The following ANKS1B variants were observed in gnomAD, a reference collection of about 807,000 sequenced individuals.
ANKS1B encodes the protein ankyrin repeat and sterile alpha motif domain containing 1B.
Under a neutral mutation model 148.3 loss-of-function variants are expected in ANKS1B, and 36 were observed. That is an observed-to-expected ratio of 0.24 (90% CI 0.19 to 0.32). The LOEUF (loss-of-function observed/expected upper bound fraction) is 0.32, where lower values mean the gene tolerates loss of function less well. ANKS1B is among the 10% of genes least tolerant of loss of function. The pLI, the probability that ANKS1B is intolerant of heterozygous loss-of-function variation, is 1.00. For synonymous variants in ANKS1B, 542 were observed against 560.8 expected (o/e 0.97, Z 0.47); for missense variants, 1,157 against 1,542.6 (o/e 0.75, Z 4.19).
At chr12:98,870,988 T>C (rs2099664648) in intron 17 of ANKS1B, among the ~76,000 whole-genome samples, 1 of 152,224 alleles carries the variant, frequency 6.6e-6, no homozygotes, top group Admixed American at 6.5e-5. Flanking sequence ...CCATTTCATT[T>C]CTTCCTTTCT....
At chr12:99,811,572 TTACAAA>T (rs2068375277) in intron 3 of ANKS1B, among the ~76,000 whole-genome samples, 1 of 151,946 alleles carries the variant, frequency 6.6e-6, no homozygotes, top group Non-Finnish European at 1.5e-5. Flanking sequence ...TATTGTGTAC[TTACAAA>T]TACATTAACT....
intron 16 of ANKS1B, among the ~76,000 whole-genome samples, chr12:99,060,700 C>CACACACAT (rs1555202206): frequency 1.2e-4 from 6 of 51,040 alleles, no homozygotes; most frequent in Middle Eastern, 0.014. Flanking sequence ...CACACACACA[C>CACACACAT]ATATATATAG....
At chr12:99,019,725 T>A (rs2099944659) in intron 17 of ANKS1B, among the ~76,000 whole-genome samples, 1 of 152,172 alleles carries the variant, frequency 6.6e-6, no homozygotes, top group Non-Finnish European at 1.5e-5. Context: ...ATGCATTAAT[T>A]TTATATGAAT....
At chr12:99,732,328 A>G (rs2059241270) in intron 8 of ANKS1B, among the ~76,000 whole-genome samples, 1 of 152,226 alleles carries the variant, frequency 6.6e-6, no homozygotes, top group African/African-American at 2.4e-5. Context: ...ATAAAAACAC[A>G]AAGACTTACA....
intron 10 of ANKS1B, among the ~76,000 whole-genome samples, chr12:99,465,075 C>A (rs967891195): frequency 3.3e-5 from 5 of 152,212 alleles, no homozygotes; most frequent in African/African-American, 1.2e-4. Flanking sequence ...GGAAGCCCAT[C>A]AGACTAACAG....
intron 8 of ANKS1B, among the ~76,000 whole-genome samples, chr12:99,735,918 G>A (rs2059578872): frequency 6.6e-6 from 1 of 150,776 alleles, no homozygotes; most frequent in Admixed American, 6.6e-5. Flanking sequence ...CATACACCAT[G>A]ATCTAGTTGC....
chr12:98,895,635 C>T (rs1328242034), intron 17 of ANKS1B, among the ~76,000 whole-genome samples: 2 of 152,176 alleles, frequency 1.3e-5, no homozygotes, highest in East Asian at 3.9e-4. Flanking sequence ...CAGCTGTTCT[C>T]AGAGCGGGTA....
At chr12:99,305,121 G>A (rs1228986806) in intron 12 of ANKS1B, among the ~76,000 whole-genome samples, 1 of 151,752 alleles carries the variant, frequency 6.6e-6, no homozygotes, top group African/African-American at 2.4e-5. Context: ...GAGAGATGGG[G>A]GAGGTCCTAA....
In ANKS1B at chr12:99,019,705, C is replaced by T. The variant is rs138699052; in HGVS notation, c.2778+33452G>A. Reference sequence around the variant, plus strand: ...TTTCCCAAACCAAGCTGTTTCTTTACGGACTTTATATGCATTAATTTTATA... The same window carrying T: ...TTTCCCAAACCAAGCTGTTTCTTTATGGACTTTATATGCATTAATTTTATA... On this transcript the variant is annotated intron_variant, in intron 17 of 26. Coordinates refer to ENST00000683438, the MANE Select transcript of ANKS1B (RefSeq NM_001352186.2). Among the ~76,000 whole-genome samples the T allele has an allele frequency of 2.5e-3, 384 of 152,224 alleles. 2 individuals carry two copies. The highest frequency in any genetic ancestry group is 8.7e-3 in the African/African-American group (361 of 41,556).
intron 12 of ANKS1B, among the ~76,000 whole-genome samples, chr12:99,383,864 A>AG (rs1223786882): frequency 2.9e-5 from 4 of 139,570 alleles, no homozygotes; most frequent in African/African-American, 8.4e-5. Flanking sequence ...AAAAAAAAAA[A>AG]AAAGAAAAGA....
At chr12:98,955,763 C>T (rs558786842) in intron 17 of ANKS1B, among the ~76,000 whole-genome samples, 5 of 152,046 alleles carry the variant, frequency 3.3e-5, no homozygotes, top group East Asian at 1.9e-4. Flanking sequence ...GGGAAGGCTG[C>T]GGTGGAGAAG....
chr12:98,969,932 T>C (rs1207919485), intron 17 of ANKS1B, among the ~76,000 whole-genome samples: 1 of 152,184 alleles, frequency 6.6e-6, no homozygotes, highest in African/African-American at 2.4e-5. Flanking sequence ...TGAGAAACAA[T>C]GAGTCATTCA....
chr12:99,365,189 G>T (rs982833622), intron 12 of ANKS1B, among the ~76,000 whole-genome samples: 2 of 152,096 alleles, frequency 1.3e-5, no homozygotes, highest in African/African-American at 4.8e-5. Flanking sequence ...AGCTCCTGCC[G>T]CCCACAAGGG....
intron 8 of ANKS1B, among the ~76,000 whole-genome samples, chr12:99,761,312 AC>A: frequency 6.6e-6 from 1 of 151,886 alleles, no homozygotes; most frequent in African/African-American, 2.4e-5. Flanking sequence ...TCCTCAGCAA[AC>A]AAACTAAAAG....
chr12:99,771,210 T>C (rs575394323), intron 8 of ANKS1B, among the ~76,000 whole-genome samples: 81 of 152,160 alleles, frequency 5.3e-4, no homozygotes, highest in Non-Finnish European at 8.7e-4. Flanking sequence ...TTCTCTACCT[T>C]CCTCAATTTG....
chr12:99,406,149 A>G (rs1477302488), intron 11 of ANKS1B, among the ~76,000 whole-genome samples: 1 of 145,524 alleles, frequency 6.9e-6, no homozygotes, highest in Non-Finnish European at 1.5e-5. Flanking sequence ...GTCAGACTTA[A>G]TCTGTACTAT....
chr12:99,008,092 T>C (rs1371836227), intron 17 of ANKS1B, among the ~76,000 whole-genome samples: 1 of 152,114 alleles, frequency 6.6e-6, no homozygotes, highest in Admixed American at 6.6e-5. Flanking sequence ...TCTTATTAAG[T>C]CCTGAAAAGG....
At chr12:99,047,152 C>A (rs2099963030) in intron 17 of ANKS1B, among the ~76,000 whole-genome samples, 3 of 152,140 alleles carry the variant, frequency 2.0e-5, no homozygotes, top group Admixed American at 2.0e-4. Flanking sequence ...GTAATCCCAG[C>A]ACTTTGGGAG....
chr12:99,080,795 T>C (rs1029104630), intron 16 of ANKS1B, among the ~76,000 whole-genome samples: 4 of 152,178 alleles, frequency 2.6e-5, no homozygotes, highest in Non-Finnish European at 4.4e-5. Context: ...TATCCCTGTG[T>C]CCAAAGAGAC....
Sources: allele counts gnomAD v4.1 joint callset (sites outside exome capture counted in the v4.1 genomes callset), GRCh38; gene constraint gnomAD v4.1.1; transcripts MANE v1.5; gene names NCBI Gene and HGNC (gene_info 2026-07-23, HGNC 2026-07-21).